ZBBX: variants seen among roughly 807,000 people sequenced by gnomAD.
ZBBX encodes zinc finger B-box domain-containing protein 1.
Under a neutral mutation model 108.5 loss-of-function variants are expected in ZBBX, and 101 were observed. The observed-to-expected ratio is 0.93, with a 90% CI of 0.79 to 1.10. The LOEUF (loss-of-function observed/expected upper bound fraction) is 1.10, where lower values mean the gene tolerates loss of function less well. ZBBX is among the 50% of genes least tolerant of loss of function. ZBBX has a pLI of 0.00. For missense variants in ZBBX, 1,009 were observed against 941.4 expected (o/e 1.07, Z -0.94); for synonymous variants, 356 against 323.4 (o/e 1.10, Z -1.08).
At chr3:167,337,768 A>G (rs551001385) in intron 9 of ZBBX, among the ~76,000 whole-genome samples, 1 of 152,284 alleles carries the variant, frequency 6.6e-6, no homozygotes, top group Non-Finnish European at 1.5e-5. Flanking sequence ...ATAATATAAC[A>G]ATAATCATTT....
At chr3:167,302,583 G>T (rs886739601) in intron 17 of ZBBX, among the ~76,000 whole-genome samples, 2 of 151,920 alleles carry the variant, frequency 1.3e-5, no homozygotes, top group Admixed American at 6.6e-5. Context: ...ATATGATTGG[G>T]TTTATTCCCG....
intron 6 of ZBBX, among the ~76,000 whole-genome samples, chr3:167,361,721 C>G (rs898492254): frequency 2.0e-5 from 3 of 152,046 alleles, no homozygotes; most frequent in African/African-American, 7.2e-5. Context: ...TTCTATGAAC[C>G]ACACTTTTAT....
chr3:167,320,007 TGTGTGTGTGTGCACGCAC>T (rs1208614853), intron 12 of ZBBX, among the ~76,000 whole-genome samples: 4 of 151,586 alleles, frequency 2.6e-5, no homozygotes, highest in Admixed American at 6.6e-5. Context: ...TGGATTTGTG[TGTGTGTGTGTGCACGCAC>T]GTGTGTGTGT....
chr3:167,315,822 T>C lies in ZBBX; in HGVS notation c.1202A>G (p.Glu401Gly). 1 of 1,592,412 alleles carries C rather than the reference T, an allele frequency of 6.3e-7. No individual in the cohort carries two copies. Among genetic ancestry groups the C allele is most frequent in the Non-Finnish European group, 8.6e-7 (1 of 1,164,920 alleles). Residue 401 changes from glutamate (E) to glycine (G), a missense_variant, in exon 15 of 22, where the codon GAA (glutamate) becomes GGA (glycine). Physicochemically the swap from Glu to Gly is moderately conservative, Grantham distance 98. Coordinates refer to ENST00000675490, the MANE Select transcript of ZBBX (RefSeq NM_001199201.2). ...ATTTTCTGCTTCTTCAAATTCCTCTTCATAAGTCTTATTAAATTAATGTTA... is the reference window on the plus strand; with the variant it reads ...ATTTTCTGCTTCTTCAAATTCCTCTCCATAAGTCTTATTAAATTAATGTTA... Reference protein sequence around the residue: ...LKIVELDDTYEEEFEEAENIV... With the variant: ...LKIVELDDTYGEEFEEAENIV...
At chr3:167,387,065 T>C (rs561557056) in intron 1 of ZBBX, among the ~76,000 whole-genome samples, 33 of 152,146 alleles carry the variant, frequency 2.2e-4, no homozygotes, top group African/African-American at 7.5e-4. Flanking sequence ...ATAAGAAAGG[T>C]ATCATTCTTA....
At chr3:167,400,810 A>G (rs1223003908) in intron 1 of ZBBX, among the ~76,000 whole-genome samples, 1 of 152,040 alleles carries the variant, frequency 6.6e-6, no homozygotes, top group Non-Finnish European at 1.5e-5. Flanking sequence ...AACTCCAAGC[A>G]GGGAAGGGGC....
At chr3:167,369,939 A>C (rs1745904619) in intron 4 of ZBBX, among the ~76,000 whole-genome samples, 1 of 152,062 alleles carries the variant, frequency 6.6e-6, no homozygotes, top group African/African-American at 2.4e-5. Flanking sequence ...CCAGACATTA[A>C]GTGCAGAATA....
chr3:167,330,868 G>GAAGA (rs1553820652), intron 10 of ZBBX, among the ~76,000 whole-genome samples: 21 of 43,340 alleles, frequency 4.8e-4, no homozygotes, highest in African/African-American at 1.7e-3. Flanking sequence ...GGAGGAGGAG[G>GAAGA]AGGAGAAGAA....
chr3:167,242,318 A>G (rs1313408904), intron 21 of ZBBX, among the ~76,000 whole-genome samples, 187 bp downstream of exon 21: 1 of 152,184 alleles, frequency 6.6e-6, no homozygotes. Flanking sequence ...TTAAAGTAAC[A>G]ACTTTATAAG....
chr3:167,354,973 A>G (rs1743287564), intron 8 of ZBBX, among the ~76,000 whole-genome samples: 1 of 151,926 alleles, frequency 6.6e-6, no homozygotes, highest in Admixed American at 6.6e-5. Context: ...AAATCTTTTT[A>G]GGCAGTTTGT....
the ZBBX span, among the ~76,000 whole-genome samples, chr3:167,194,653 C>CA: frequency 6.6e-6 from 1 of 152,192 alleles, no homozygotes; most frequent in Non-Finnish European, 1.5e-5. Context: ...ATGACATTTT[C>CA]ATTAGACTTG....
chr3:167,338,791 C>A (rs1740022633), intron 9 of ZBBX, among the ~76,000 whole-genome samples: 1 of 152,060 alleles, frequency 6.6e-6, no homozygotes, highest in Non-Finnish European at 1.5e-5. Context: ...GAGATACACA[C>A]ATATACACAC....
chr3:167,280,096 T>C (rs1465385997), intron 20 of ZBBX, among the ~76,000 whole-genome samples: 1 of 151,960 alleles, frequency 6.6e-6, no homozygotes, highest in Non-Finnish European at 1.5e-5. Context: ...CAAAAATCAA[T>C]TCAAGATGGA....
At chr3:167,386,531 T>G (rs1281549286) in intron 1 of ZBBX, among the ~76,000 whole-genome samples, 1 of 152,082 alleles carries the variant, frequency 6.6e-6, no homozygotes, top group African/African-American at 2.4e-5. Flanking sequence ...ATAAGTGAGT[T>G]GTTCTAGCAT....
At chr3:167,400,621 A>G (rs1179444062) in intron 1 of ZBBX, among the ~76,000 whole-genome samples, 1 of 152,052 alleles carries the variant, frequency 6.6e-6, no homozygotes, top group African/African-American at 2.4e-5. Context: ...TAAGACAGGT[A>G]TCAGTTAATT....
chr3:167,275,465 G>C (rs773980369), intron 20 of ZBBX, among the ~76,000 whole-genome samples: 12 of 152,184 alleles, frequency 7.9e-5, no homozygotes, highest in Admixed American at 2.0e-4. Context: ...TGCCTCACTC[G>C]GGAAGCACAA....
At chr3:167,247,235 G>A (rs1270618382) in intron 20 of ZBBX, among the ~76,000 whole-genome samples, 1 of 152,150 alleles carries the variant, frequency 6.6e-6, no homozygotes, top group African/African-American at 2.4e-5. Context: ...CAAGTGGTTG[G>A]ACGGCAAGAG....
chr3:167,368,876 T>C, intron 4 of ZBBX: 1 of 306,926 alleles, frequency 3.3e-6, no homozygotes, highest in Non-Finnish European at 4.9e-6. Flanking sequence ...ATCTATGACA[T>C]ACAAACAGAA....
rs146256429 is a variant in ZBBX, at chr3:167,293,767, C to T, written c.1879+4538G>A. Among the ~76,000 whole-genome samples the T allele has an allele frequency of 8.4e-3, 1,285 of 152,238 alleles. 12 individuals carry two copies. Among genetic ancestry groups the T allele is most frequent in the African/African-American group, 0.029 (1,204 of 41,532 alleles). On this transcript the variant is annotated intron_variant, in intron 18 of 21. Transcript: ENST00000675490. Reference sequence around the variant, plus strand: ...GAGGAAGTCAAATTGTCTCTGTTTGCAGATGACATGATTGTATATTTAGAA... The same window carrying T: ...GAGGAAGTCAAATTGTCTCTGTTTGTAGATGACATGATTGTATATTTAGAA...
Sources: allele counts gnomAD v4.1 joint callset (sites outside exome capture counted in the v4.1 genomes callset), GRCh38; gene constraint gnomAD v4.1.1; transcripts MANE v1.5; gene names NCBI Gene and HGNC (gene_info 2026-07-23, HGNC 2026-07-21).